The following BAIAP2L1 variants were observed in gnomAD, a reference collection of about 807,000 sequenced individuals.
BAIAP2L1 encodes the protein BAR/IMD domain containing adaptor protein 2 like 1.
BAIAP2L1 carries 35 observed loss-of-function variants against 66.3 expected under a neutral mutation model. The ratio of observed to expected loss-of-function variants is 0.53; its 90% CI spans 0.40 to 0.70. The LOEUF (loss-of-function observed/expected upper bound fraction) is 0.70, where lower values mean the gene tolerates loss of function less well. Ranked by LOEUF, BAIAP2L1 falls within the 30% of genes least tolerant of loss-of-function variation. BAIAP2L1 has a pLI of 0.00. For missense variants in BAIAP2L1, 622 were observed against 656.9 expected (o/e 0.95, Z 0.58); for synonymous variants, 269 against 248.7 (o/e 1.08, Z -0.77).
intron 1 of BAIAP2L1, among the ~76,000 whole-genome samples, chr7:98,379,205 C>T (rs1209692456): frequency 6.6e-6 from 1 of 152,096 alleles, no homozygotes; most frequent in African/African-American, 2.4e-5. Flanking sequence ...ATGTAACCAC[C>T]ACCGCATTTC....
Position 98,317,179 on chromosome 7 carries a change from TCAA to T in BAIAP2L1, c.486+37_486+39del, listed in dbSNP as rs200486314. On this transcript the variant is annotated intron_variant, in intron 6 of 13. Coordinates refer to ENST00000005260, the MANE Select transcript of BAIAP2L1 (RefSeq NM_018842.5). ...ACCTCCTCTTAAACTGTGCAAATTG[TCAA>T]CAACAAAAGAAAACAAGATATTGTT... The T allele has an allele frequency of 9.7e-3, 15,645 of 1,613,474 alleles. 85 individuals carry two copies. The highest frequency in any genetic ancestry group is 0.011 in the Non-Finnish European group (13,461 of 1,179,598).
chr7:98,342,589 A>G (rs1801770116), intron 3 of BAIAP2L1, among the ~76,000 whole-genome samples: 1 of 152,216 alleles, frequency 6.6e-6, no homozygotes, highest in Non-Finnish European at 1.5e-5. Flanking sequence ...TCAAAATGCA[A>G]TGGCTGACTA....
At chr7:98,341,720 G>C (rs1229806859) in intron 3 of BAIAP2L1, among the ~76,000 whole-genome samples, 2 of 152,052 alleles carry the variant, frequency 1.3e-5, no homozygotes. Context: ...GGGCCTCACA[G>C]TGCTGTCATG....
intron 3 of BAIAP2L1, among the ~76,000 whole-genome samples, chr7:98,343,247 ATACAC>A (rs770804524): frequency 1.0e-5 from 1 of 95,482 alleles, no homozygotes; most frequent in Non-Finnish European, 2.2e-5. Flanking sequence ...GAAAAAAAAA[ATACAC>A]ACACACACAC....
At position 98,341,177 on chromosome 7, in the gene BAIAP2L1, GA is replaced by G. The variant is rs894741170; in HGVS notation, c.214+13864del. ...CAAACCCCAAACTGAAAATACTCAAGAAAAAAAGCTGGAATAATGATCGCAT... is the reference window on the plus strand; with the variant it reads ...CAAACCCCAAACTGAAAATACTCAAGAAAAAAGCTGGAATAATGATCGCAT... On this transcript the variant is annotated intron_variant, in intron 3 of 13. Coordinates refer to ENST00000005260, the MANE Select transcript of BAIAP2L1 (RefSeq NM_018842.5). 7.2e-5 allele frequency among the ~76,000 whole-genome samples: 11 copies of G among 151,946 alleles called. No individual in the cohort carries two copies. In the South Asian group the frequency reaches 1.0e-3, roughly 14 times the overall value.
chr7:98,386,562 C>T (rs988262904), intron 1 of BAIAP2L1: 39 of 1,596,870 alleles, frequency 2.4e-5, no homozygotes, highest in African/African-American at 4.0e-5. Flanking sequence ...TTTCGTAAGG[C>T]GCTTGTTCTT....
chr7:98,349,676 T>C (rs1012603646), intron 3 of BAIAP2L1, among the ~76,000 whole-genome samples: 23 of 150,974 alleles, frequency 1.5e-4, no homozygotes, highest in Non-Finnish European at 3.0e-4. Flanking sequence ...AGTTCAAGAC[T>C]AGCCTGGCCA....
intron 7 of BAIAP2L1, among the ~76,000 whole-genome samples, chr7:98,314,682 T>C (rs1801005997): frequency 6.6e-6 from 1 of 151,854 alleles, no homozygotes. Flanking sequence ...GCTGTCCTGA[T>C]GCGCGTGAAT....
intron 1 of BAIAP2L1, among the ~76,000 whole-genome samples, chr7:98,369,670 T>C (rs959812350): frequency 1.5e-5 from 2 of 131,966 alleles, no homozygotes; most frequent in Non-Finnish European, 3.3e-5. Context: ...CTAATTTTTT[T>C]TTTTTTTTTT....
At chr7:98,366,082 C>G (rs1402592231) in intron 1 of BAIAP2L1, among the ~76,000 whole-genome samples, 3 of 152,134 alleles carry the variant, frequency 2.0e-5, no homozygotes, top group Non-Finnish European at 4.4e-5. Flanking sequence ...CTACAGTCAT[C>G]AGGGGCCACT....
At chr7:98,358,360 G>GTT (rs1193714783) in intron 2 of BAIAP2L1, among the ~76,000 whole-genome samples, 121 of 145,296 alleles carry the variant, frequency 8.3e-4, no homozygotes, top group African/African-American at 2.6e-3. Context: ...TTAGTTTTTT[G>GTT]TTTTTTTTTT....
chr7:98,306,607 A>T, intron 10 of BAIAP2L1, 91 bp from the exon 11 acceptor site: 1 of 1,581,682 alleles, frequency 6.3e-7, no homozygotes, highest in Non-Finnish European at 8.6e-7. Flanking sequence ...CAGGGCAGAC[A>T]GGTCCACTGC....
chr7:98,293,260 T>A lies in BAIAP2L1; in HGVS notation c.*261A>T, dbSNP rs1193801225. 7.7e-6 allele frequency: 3 copies of A among 387,640 alleles called. No individual in the cohort carries two copies. In the Admixed American group the frequency reaches 1.3e-4, roughly 16 times the overall value. 24.0% of individuals were successfully genotyped at this position (387,640 alleles called of 1,614,324 possible). The stretch of plus-strand genomic sequence containing the variant: ...AAATACAGTAAAGATTGAAACCAAG[T>A]TTACTGTTTCTTGAACAGAATAGGA... On this transcript the variant is annotated 3_prime_UTR_variant, in exon 14 of 14. Transcript: ENST00000005260.
intron 3 of BAIAP2L1, among the ~76,000 whole-genome samples, chr7:98,342,038 CTGATT>C (rs1801751880): frequency 8.5e-6 from 1 of 117,492 alleles, no homozygotes; most frequent in East Asian, 2.6e-4. Flanking sequence ...AAATTTTTTT[CTGATT>C]TTTTTTTTTT....
At chr7:98,386,069 G>C in intron 1 of BAIAP2L1, 1 of 1,528,516 alleles carries the variant, frequency 6.5e-7, no homozygotes, top group Non-Finnish European at 9.0e-7. Flanking sequence ...TGCACCTCTC[G>C]GGTCATGATT....
chr7:98,386,693 GTTTTTTTTTTTT>G (rs71112150), intron 1 of BAIAP2L1: 2 of 185,822 alleles, frequency 1.1e-5, no homozygotes, highest in Admixed American at 1.2e-4. Context: ...CTTTCCAAAG[GTTTTTTTTTTTT>G]TTTTTTTTTT....
At chr7:98,390,500 G>A (rs929866303) in intron 1 of BAIAP2L1, among the ~76,000 whole-genome samples, 53 of 151,826 alleles carry the variant, frequency 3.5e-4, no homozygotes, top group Non-Finnish European at 5.7e-4. Flanking sequence ...AGGCCGAGGC[G>A]GGCGGATCAC....
chr7:98,353,781 GA>G (rs1802058611), intron 3 of BAIAP2L1, among the ~76,000 whole-genome samples: 1 of 148,694 alleles, frequency 6.7e-6, no homozygotes, highest in South Asian at 2.1e-4. Flanking sequence ...CCAACATGGC[GA>G]AACCCCGTCT....
chr7:98,361,538 TG>T (rs1251954975), intron 2 of BAIAP2L1, among the ~76,000 whole-genome samples: 1 of 152,102 alleles, frequency 6.6e-6, no homozygotes, highest in Non-Finnish European at 1.5e-5. Context: ...TGCTACATTT[TG>T]GGGAAGAACT....
Sources: allele counts gnomAD v4.1 joint callset (sites outside exome capture counted in the v4.1 genomes callset), GRCh38; gene constraint gnomAD v4.1.1; transcripts MANE v1.5; gene names NCBI Gene and HGNC (gene_info 2026-07-23, HGNC 2026-07-21).